The following MYT1L variants were observed in gnomAD, a reference collection of about 807,000 sequenced individuals.
MYT1L encodes the protein myelin transcription factor 1-like protein.
A neutral mutation model predicts 126.7 loss-of-function variants in MYT1L; 12 were observed. The ratio of observed to expected loss-of-function variants is 0.09; its 90% CI spans 0.06 to 0.15. The LOEUF (loss-of-function observed/expected upper bound fraction) is 0.15, where lower values mean the gene tolerates loss of function less well. Among genes scored for constraint, MYT1L ranks in the 10% least tolerant of loss-of-function variants. The pLI is 1.00. For synonymous variants in MYT1L, 541 were observed against 604.2 expected, an observed-to-expected ratio of 0.90 and a Z score of 1.53; for missense variants, 979 against 1,585.2, an observed-to-expected ratio of 0.62 and a Z score of 6.49.
intron 21 of MYT1L, among the ~76,000 whole-genome samples, chr2:1,815,548 AC>A (rs2037487951): frequency 6.6e-6 from 1 of 152,194 alleles, no homozygotes; most frequent in Admixed American, 6.5e-5. Flanking sequence ...AATAGGAAGG[AC>A]AGTGTCCTGC....
rs1251016076 is a variant in MYT1L, at chr2:1,792,371, G to T, written c.3370C>A (p.Leu1124Met). 2 of 1,610,292 alleles carry T rather than the reference G, an allele frequency of 1.2e-6. No homozygotes were observed. The change falls in exon 24 of 25, where the codon CTG (leucine) becomes ATG (methionine). Residue 1124 changes from leucine to methionine, a missense_variant. Physicochemically the swap from Leu to Met is conservative, Grantham distance 15. Transcript: ENST00000647738. ...NESLLHELAN[L>M]SQSLIHSLAN... ...AGGCTGTGGATCAGAGACTGGCTCAGGTTCGCCAGCTCGTGGAGGAGAGAC... is the reference window on the plus strand; with the variant it reads ...AGGCTGTGGATCAGAGACTGGCTCATGTTCGCCAGCTCGTGGAGGAGAGAC...
intron 19 of MYT1L, among the ~76,000 whole-genome samples, chr2:1,844,776 C>T (rs1250794305): frequency 6.6e-6 from 1 of 152,148 alleles, no homozygotes; most frequent in Non-Finnish European, 1.5e-5. Flanking sequence ...CTTTAGGGCC[C>T]AGATTTGAAC....
chr2:2,027,289 C>T (rs1176807202), intron 4 of MYT1L, among the ~76,000 whole-genome samples: 3 of 152,174 alleles, frequency 2.0e-5, no homozygotes, highest in Non-Finnish European at 4.4e-5. Context: ...ACCTCTCTGC[C>T]CAGCCCAGCA....
At position 2,221,622 on chromosome 2, in the gene MYT1L, C is replaced by A. The variant is rs563504815; in HGVS notation, c.-420-48634G>T. Reference sequence around the variant, plus strand: ...AAATGACCGCTGATTCCTTGCACAGCGGGAGACGCCGCCCAGGCTCCCTCA... The same window carrying A: ...AAATGACCGCTGATTCCTTGCACAGAGGGAGACGCCGCCCAGGCTCCCTCA... On this transcript the variant is annotated intron_variant, in intron 2 of 24. Transcript: ENST00000647738. Among the ~76,000 whole-genome samples the A allele has an allele frequency of 7.9e-5, 12 of 152,242 alleles. No homozygotes were observed. The East Asian group carries it at 2.1e-3, about 27-fold the overall frequency.
chr2:2,279,048 C>A (rs1462566725), intron 2 of MYT1L, among the ~76,000 whole-genome samples: 1 of 152,176 alleles, frequency 6.6e-6, no homozygotes, highest in Non-Finnish European at 1.5e-5. Context: ...CTGGGAGGCC[C>A]TGGACCATCT....
chr2:2,266,894 C>A (rs957100973), intron 2 of MYT1L, among the ~76,000 whole-genome samples: 1 of 152,172 alleles, frequency 6.6e-6, no homozygotes, highest in Non-Finnish European at 1.5e-5. Flanking sequence ...GATTGTGAGG[C>A]CTCCCACGTG....
intron 3 of MYT1L, among the ~76,000 whole-genome samples, chr2:2,151,057 A>G (rs751467284): frequency 7.2e-5 from 11 of 152,192 alleles, no homozygotes; most frequent in Non-Finnish European, 2.9e-5. Flanking sequence ...GCACCTCTTT[A>G]CACTCTTGAA....
At chr2:2,259,720 G>T (rs1326266897) in intron 2 of MYT1L, among the ~76,000 whole-genome samples, 1 of 152,138 alleles carries the variant, frequency 6.6e-6, no homozygotes, top group Non-Finnish European at 1.5e-5. Flanking sequence ...ATCCCCCTGG[G>T]ATGGATGTCA....
chr2:2,281,364 G>A (rs917462792), intron 2 of MYT1L, among the ~76,000 whole-genome samples: 2 of 152,182 alleles, frequency 1.3e-5, no homozygotes, highest in Non-Finnish European at 2.9e-5. Context: ...ACTAGTACAC[G>A]TGGCATGACT....
chr2:1,969,958 T>C (rs930675710), intron 8 of MYT1L, among the ~76,000 whole-genome samples: 1 of 152,220 alleles, frequency 6.6e-6, no homozygotes, highest in African/African-American at 2.4e-5. Context: ...GGCAGCAGCA[T>C]CCTAAGTCAC....
intron 2 of MYT1L, among the ~76,000 whole-genome samples, chr2:2,249,019 C>T (rs1158631761): frequency 1.3e-5 from 2 of 151,892 alleles, no homozygotes; most frequent in Non-Finnish European, 2.9e-5. Context: ...CCAGCCAGAG[C>T]AACCAGACAA....
In MYT1L at chr2:1,979,248, TTA is replaced by T; in HGVS notation, c.90-23_90-22del. ...GACAGCTGCAACAGGAAAGAATGGA[TTA>T]CACGGTGCCGCAGGCAGGCAGGTGA... is the stretch of plus-strand genomic sequence containing the variant. On this transcript the variant is annotated intron_variant, in intron 7 of 24. Transcript: ENST00000647738. The surrounding 1 kb of genome is among the most constrained non-coding windows in gnomAD (Gnocchi z 4.0). 1 of 1,610,492 alleles carries T rather than the reference TTA, an allele frequency of 6.2e-7. No individual in the cohort carries two copies. Among genetic ancestry groups the T allele is most frequent in the Non-Finnish European group, 8.5e-7 (1 of 1,177,210 alleles).
chr2:2,277,326 ATACCCGATGGTGATT>A (rs2149378713), intron 2 of MYT1L, among the ~76,000 whole-genome samples: 1 of 152,246 alleles, frequency 6.6e-6, no homozygotes, highest in African/African-American at 2.4e-5. Flanking sequence ...TTCACCCTTC[ATACCCGATGGTGATT>A]TGCACAAAGC....
chr2:2,309,079 T>C (rs2095908712), intron 1 of MYT1L, among the ~76,000 whole-genome samples: 1 of 151,266 alleles, frequency 6.6e-6, no homozygotes. Flanking sequence ...TCTCTACCTG[T>C]ACTCCATCTA....
intron 4 of MYT1L, among the ~76,000 whole-genome samples, chr2:2,031,077 A>C (rs1447836527): frequency 6.6e-6 from 1 of 152,222 alleles, no homozygotes; most frequent in African/African-American, 2.4e-5. Flanking sequence ...GTTTACTCTA[A>C]TTTCAGCAAA....
At chr2:2,322,535 C>T (rs150648006) in intron 1 of MYT1L, among the ~76,000 whole-genome samples, 10 of 151,568 alleles carry the variant, frequency 6.6e-5, no homozygotes, top group East Asian at 1.9e-4. Context: ...ACAAATGTGA[C>T]GGAGAGTGGC....
intron 2 of MYT1L, among the ~76,000 whole-genome samples, chr2:2,236,696 C>T (rs1036115156): frequency 1.3e-4 from 20 of 151,702 alleles, no homozygotes; most frequent in South Asian, 8.4e-4. Context: ...GTACATCACA[C>T]GGCACATTCC....
chr2:1,887,986 C>G lies in MYT1L; in HGVS notation c.2521-377G>C, dbSNP rs905901446. On this transcript the variant is annotated intron_variant, in intron 16 of 24. Transcript: ENST00000647738. The surrounding 1 kb of genome is among the most constrained non-coding windows in gnomAD (Gnocchi z 4.8). ...CCAACACTTGCCTGCAAAGATTCAA[C>G]ACTGGAACTACAGTGTCTTAGGGCT... 6.6e-6 allele frequency among the ~76,000 whole-genome samples: 1 copy of G among 152,236 alleles called. No homozygotes were observed. The highest frequency in any genetic ancestry group is 2.4e-5 in the African/African-American group (1 of 41,464).
rs571557003 is a variant in MYT1L, at chr2:1,971,064, C to T, written c.152+8101G>A. On this transcript the variant is annotated intron_variant, in intron 8 of 24. Coordinates refer to ENST00000647738, the MANE Select transcript of MYT1L (RefSeq NM_001303052.2). ...AAATGTCAAAAATAAGCTGTAAGCC[C>T]AGCATTCTGAGAGACTGAGGTGGGA... 8.6e-4 allele frequency among the ~76,000 whole-genome samples: 131 copies of T among 152,134 alleles called. 1 individual carries two copies. Among genetic ancestry groups the T allele is most frequent in the African/African-American group, 3.1e-3 (128 of 41,504 alleles).
Sources: allele counts gnomAD v4.1 joint callset (sites outside exome capture counted in the v4.1 genomes callset), GRCh38; gene constraint gnomAD v4.1.1; non-coding constraint Gnocchi (gnomAD v3.1); transcripts MANE v1.5; gene names NCBI Gene and HGNC (gene_info 2026-07-23, HGNC 2026-07-21).